The following COL4A6 variants were observed in gnomAD, a reference collection of about 807,000 sequenced individuals.
COL4A6 encodes the protein collagen type IV alpha 6 chain.
Under a neutral mutation model 126.7 loss-of-function variants are expected in COL4A6, and 59 were observed. The ratio of observed to expected loss-of-function variants is 0.47; its 90% CI spans 0.38 to 0.58. COL4A6 has a LOEUF of 0.58. Among genes scored for constraint, COL4A6 ranks in the 20% least tolerant of loss-of-function variants. The pLI is 0.00. For synonymous variants in COL4A6, 547 were observed against 496.6 expected (o/e 1.10, Z -1.35); for missense variants, 1,285 against 1,337.3 (o/e 0.96, Z 0.61).
At chrX:108,360,408 C>T in intron 2 of COL4A6, among the ~76,000 whole-genome samples, 1 of 112,010 alleles carries the variant, frequency 8.9e-6, no homozygotes, top group East Asian at 2.8e-4. Context: ...GAATTTACTT[C>T]CCCAAACTAT....
intron 16 of COL4A6, among the ~76,000 whole-genome samples, chrX:108,194,181 G>A (rs1233799539): frequency 8.9e-6 from 1 of 112,280 alleles, no homozygotes; most frequent in East Asian, 2.8e-4. Flanking sequence ...TGTGATGGTG[G>A]CAGTTATATG....
intron 2 of COL4A6, among the ~76,000 whole-genome samples, chrX:108,367,477 C>T (rs902456480): frequency 1.8e-5 from 2 of 111,657 alleles, no homozygotes; most frequent in South Asian, 7.5e-4. Context: ...CCTGGAGAAG[C>T]TGTTATCTAT....
intron 2 of COL4A6, among the ~76,000 whole-genome samples, chrX:108,431,136 A>G: frequency 8.9e-6 from 1 of 112,129 alleles, no homozygotes; most frequent in East Asian, 2.8e-4. Context: ...ATTCCATAAG[A>G]GCAAAGTTCA....
chrX:108,265,220 C>T (rs2037268345), intron 3 of COL4A6, among the ~76,000 whole-genome samples: 1 of 110,906 alleles, frequency 9.0e-6, no homozygotes, highest in Admixed American at 9.6e-5. Context: ...GGACATTCAG[C>T]ATCATAATGA....
chrX:108,411,331 C>G (rs1221623210), intron 2 of COL4A6, among the ~76,000 whole-genome samples: 1 of 111,801 alleles, frequency 8.9e-6, no homozygotes, highest in Non-Finnish European at 1.9e-5. Context: ...CCTTTAATTT[C>G]TTCTAGATGC....
At chrX:108,273,581 C>G (rs1361742494) in intron 3 of COL4A6, among the ~76,000 whole-genome samples, 5 of 112,268 alleles carry the variant, frequency 4.5e-5, no homozygotes, top group Non-Finnish European at 9.4e-5. Context: ...GGAACCAACC[C>G]AAATGTCCAT....
At chrX:108,266,068 G>A (rs1041302679) in intron 3 of COL4A6, among the ~76,000 whole-genome samples, 5 of 111,946 alleles carry the variant, frequency 4.5e-5, no homozygotes, top group African/African-American at 1.6e-4. Flanking sequence ...TGATAACTGG[G>A]AGAGACTTTG....
At chrX:108,432,573 C>T (rs779736336) in intron 2 of COL4A6, among the ~76,000 whole-genome samples, 6 of 112,023 alleles carry the variant, frequency 5.4e-5, no homozygotes, top group East Asian at 5.6e-4. Context: ...CGGTGGCTCA[C>T]GCCTGTAATC....
rs7890647 is a variant in COL4A6, at chrX:108,201,950, G to T, written c.834+978C>A. The stretch of plus-strand genomic sequence containing the variant: ...GACCTATGAAGGTAGCCAAGATCTG[G>T]TTCCTACTTCTCTGTCTGGAATTAT... On this transcript the variant is annotated intron_variant, in intron 13 of 44. Transcript: ENST00000334504. Among the ~76,000 whole-genome samples, 361 of 111,862 alleles carry T rather than the reference G, an allele frequency of 3.2e-3. 1 individual carries two copies. The highest frequency in any genetic ancestry group is 0.011 in the African/African-American group (340 of 30,806).
At chrX:108,342,077 G>C (rs1165486012) in intron 2 of COL4A6, among the ~76,000 whole-genome samples, 1 of 112,028 alleles carries the variant, frequency 8.9e-6, no homozygotes, top group East Asian at 2.8e-4. Context: ...CCCAAGGCTA[G>C]GAAGAACCTC....
rs1336321793 is a variant in COL4A6, at chrX:108,425,616, A to C, written c.63+12326T>G. Among the ~76,000 whole-genome samples the C allele has an allele frequency of 1.5e-4, 16 of 108,441 alleles. 1 individual carries two copies. The highest frequency in any genetic ancestry group is 5.1e-4 in the African/African-American group (15 of 29,644). 94.2% of individuals were successfully genotyped at this position (108,441 alleles called of 115,157 possible). A position where few individuals can be genotyped will look rare whatever the true frequency, so the allele number is the denominator to read the frequency against. Reference sequence around the variant, plus strand: ...GGGCATGGTGACGGGTGCCTGTAGTACCAGCTACTCGGGAGGCTGAGGCAG... The same window carrying C: ...GGGCATGGTGACGGGTGCCTGTAGTCCCAGCTACTCGGGAGGCTGAGGCAG... On this transcript the variant is annotated intron_variant, in intron 2 of 44. Transcript: ENST00000334504.
At chrX:108,275,585 G>A (rs1322734018) in intron 3 of COL4A6, among the ~76,000 whole-genome samples, 3 of 112,872 alleles carry the variant, frequency 2.7e-5, no homozygotes, top group African/African-American at 9.7e-5. Context: ...AAATTCTAGA[G>A]TCATATTACC....
intron 2 of COL4A6, among the ~76,000 whole-genome samples, chrX:108,376,273 ACCATAAG>A (rs1249933749): frequency 9.0e-6 from 1 of 111,409 alleles, no homozygotes; most frequent in Non-Finnish European, 1.9e-5. Context: ...GAGAATCTGA[ACCATAAG>A]CCATAACATT....
chrX:108,415,701 C>T (rs1160831509), intron 2 of COL4A6, among the ~76,000 whole-genome samples: 1 of 112,277 alleles, frequency 8.9e-6, no homozygotes, highest in Non-Finnish European at 1.9e-5. Context: ...AATGATCAAC[C>T]TTTCAATTTA....
At chrX:108,187,009 T>A in intron 23 of COL4A6, 87 bp downstream of exon 23, 1 of 792,795 alleles carries the variant, frequency 1.3e-6, no homozygotes, top group Non-Finnish European at 1.7e-6. Context: ...AAGTCTCTTC[T>A]TATGATACAT....
Position 108,314,924 on chromosome X carries a change from C to A in COL4A6, c.64-4096G>T, listed in dbSNP as rs144939187. On this transcript the variant is annotated intron_variant, in intron 2 of 44. Coordinates refer to ENST00000334504, the MANE Select transcript of COL4A6 (RefSeq NM_033641.4). ...TATTATTATATTAACATTAGCTATA[C>A]TAGACTACTCAGCATTTTTTGCAAC... Among the ~76,000 whole-genome samples the A allele has an allele frequency of 4.6e-3, 509 of 111,759 alleles. 10 individuals carry two copies. In the East Asian group the frequency reaches 0.077, roughly 17 times the overall value.
rs1190855331 is a variant in COL4A6 at position 108,221,373 on chromosome X, C to A, written c.146G>T (p.Gly49Val). Residue 49 changes from glycine to valine, a missense_variant and splice_region_variant, in exon 4 of 45, where the codon GGA (glycine) becomes GTA (valine). By Grantham distance (109) the Gly-to-Val change is moderately radical (BLOSUM62 -3). Transcript: ENST00000334504. ...TTGAATTCCAATTGGTCCAGGTCGT[C>A]CCTAAGGTGGACAGAAGGAGTGCAA... ...CQCFPEKGAR[G>V]RPGPIGIQGP... 2 of 1,208,640 alleles carry A rather than the reference C, an allele frequency of 1.7e-6. No homozygotes were observed. The highest frequency in any genetic ancestry group is 2.2e-6 in the Non-Finnish European group (2 of 894,576).
chrX:108,183,678 C>T, intron 23 of COL4A6: 1 of 881,051 alleles, frequency 1.1e-6, no homozygotes, highest in Non-Finnish European at 1.4e-6. Context: ...GGGTGTTTAG[C>T]TAAGACTAGT....
intron 3 of COL4A6, among the ~76,000 whole-genome samples, chrX:108,229,624 T>C (rs2036256953): frequency 8.9e-6 from 1 of 112,724 alleles, no homozygotes; most frequent in Admixed American, 9.3e-5. Context: ...ACCTTGCATA[T>C]ATTAAATGTG....
Sources: allele counts gnomAD v4.1 joint callset (sites outside exome capture counted in the v4.1 genomes callset), GRCh38; gene constraint gnomAD v4.1.1; transcripts MANE v1.5; gene names NCBI Gene and HGNC (gene_info 2026-07-23, HGNC 2026-07-21).